DCC: variants seen among roughly 807,000 people sequenced by gnomAD.
DCC encodes netrin receptor DCC.
DCC carries 58 observed loss-of-function variants against 172.5 expected under a neutral mutation model. The observed-to-expected ratio is 0.34, with a 90% CI of 0.27 to 0.42. The LOEUF (loss-of-function observed/expected upper bound fraction) is 0.42. Among genes scored for constraint, DCC ranks in the 10% least tolerant of loss-of-function variants. The pLI is 1.00. For missense variants in DCC, 1,740 were observed against 1,791.0 expected (o/e 0.97, Z 0.51); for synonymous variants, 709 against 644.5 (o/e 1.10, Z -1.52).
intron 2 of DCC, among the ~76,000 whole-genome samples, chr18:52,877,848 T>C (rs533288105): frequency 6.6e-6 from 1 of 152,258 alleles, no homozygotes; most frequent in South Asian, 2.1e-4. Flanking sequence ...TCATATTTTA[T>C]CTACGTATGA....
chr18:52,344,978 G>A (rs995236207), intron 1 of DCC, among the ~76,000 whole-genome samples: 2 of 152,152 alleles, frequency 1.3e-5, no homozygotes, highest in African/African-American at 2.4e-5. Context: ...AAGGGCACTT[G>A]CAATTTCCCT....
At chr18:52,662,565 G>A (rs1271934883) in intron 1 of DCC, among the ~76,000 whole-genome samples, 2 of 106,458 alleles carry the variant, frequency 1.9e-5, no homozygotes, top group Non-Finnish European at 4.3e-5. Flanking sequence ...GAGGGAGGGA[G>A]GGAGGGAAGG....
intron 27 of DCC, among the ~76,000 whole-genome samples, chr18:53,517,984 A>G (rs1002451884): frequency 3.9e-5 from 6 of 152,142 alleles, no homozygotes; most frequent in African/African-American, 1.4e-4. Context: ...AAAGTTTCCC[A>G]TACATATCTT....
intron 5 of DCC, among the ~76,000 whole-genome samples, chr18:52,962,284 A>G (rs917183708): frequency 7.2e-5 from 11 of 152,036 alleles, no homozygotes; most frequent in Admixed American, 5.2e-4. Context: ...CCCATCAAAA[A>G]GTGGGCAAAG....
intron 1 of DCC, among the ~76,000 whole-genome samples, chr18:52,651,774 C>G (rs1259182335): frequency 1.3e-5 from 2 of 152,048 alleles, no homozygotes; most frequent in African/African-American, 4.8e-5. Flanking sequence ...GCATGAACTA[C>G]AGAGAGGAGT....
At chr18:52,523,290 T>C (rs1218862185) in intron 1 of DCC, among the ~76,000 whole-genome samples, 1 of 151,776 alleles carries the variant, frequency 6.6e-6, no homozygotes, top group Non-Finnish European at 1.5e-5. Context: ...ACCCTAGGAG[T>C]GGGCCAGGAT....
At chr18:53,332,240 C>G (rs538864494) in intron 14 of DCC, among the ~76,000 whole-genome samples, 58 of 152,148 alleles carry the variant, frequency 3.8e-4, no homozygotes, top group African/African-American at 1.3e-3. Context: ...TGTTAGACTT[C>G]TACATTCTTT....
chr18:53,082,652 G>A (rs976366958), intron 7 of DCC, among the ~76,000 whole-genome samples: 2 of 152,010 alleles, frequency 1.3e-5, no homozygotes, highest in African/African-American at 4.8e-5. Context: ...TGGGTATTTT[G>A]TTTTAAATCT....
rs1598866277 is a variant in DCC at position 52,850,897 on chromosome 18, A to G, written c.413-55147A>G. Reference sequence around the variant, plus strand: ...CCAGGTTCCGTCAGGTAAATTAATTACCACCACAACTGGGTTTAATTTGTC... The same window carrying G: ...CCAGGTTCCGTCAGGTAAATTAATTGCCACCACAACTGGGTTTAATTTGTC... On this transcript the variant is annotated intron_variant, in intron 2 of 28. Coordinates refer to ENST00000442544, the MANE Select transcript of DCC (RefSeq NM_005215.4). 4.6e-5 allele frequency among the ~76,000 whole-genome samples: 7 copies of G among 152,212 alleles called. 1 individual carries two copies. The highest frequency in any genetic ancestry group is 4.6e-4 in the Admixed American group (7 of 15,280).
chr18:53,318,615 G>T (rs969816393), intron 13 of DCC, among the ~76,000 whole-genome samples: 1 of 152,030 alleles, frequency 6.6e-6, no homozygotes, highest in Non-Finnish European at 1.5e-5. Flanking sequence ...AGTGGGAGTC[G>T]AAGTCTCTTT....
chr18:52,614,276 T>C (rs1320844766), intron 1 of DCC, among the ~76,000 whole-genome samples: 1 of 152,228 alleles, frequency 6.6e-6, no homozygotes, highest in African/African-American at 2.4e-5. Context: ...TAGGTCTCTT[T>C]GAAGGTGACC....
intron 9 of DCC, among the ~76,000 whole-genome samples, chr18:53,180,958 C>T (rs1410935190): frequency 1.3e-5 from 2 of 152,086 alleles, no homozygotes; most frequent in Admixed American, 6.5e-5. Context: ...CTTCATAGAT[C>T]ATCTATGTAA....
At chr18:53,293,740 T>G (rs1241464254) in intron 12 of DCC, among the ~76,000 whole-genome samples, 1 of 152,200 alleles carries the variant, frequency 6.6e-6, no homozygotes, top group Non-Finnish European at 1.5e-5. Flanking sequence ...TGAATTAACC[T>G]CATCACTAGA....
intron 1 of DCC, among the ~76,000 whole-genome samples, chr18:52,575,579 CTATT>C (rs1371731967): frequency 6.6e-6 from 1 of 152,042 alleles, no homozygotes; most frequent in African/African-American, 2.4e-5. Context: ...CATTCTTTGA[CTATT>C]TGAGTTAGTT....
chr18:53,526,628 C>T lies in DCC; in HGVS notation c.4123C>T (p.Pro1375Ser), dbSNP rs2046458753. The change falls in exon 28 of 29, where the codon CCT becomes TCT. Residue 1375 changes from proline to serine, a missense_variant. By Grantham distance (74) the Pro-to-Ser change is moderately conservative. This residue lies in a region of DCC where 1,732 missense variants were observed against 1,767.4 expected (regional missense o/e 0.98). Coordinates refer to ENST00000442544, the MANE Select transcript of DCC (RefSeq NM_005215.4). ...PLLSQPGPTLPKTHVKTASLG... is the reference protein window; with the variant it reads ...PLLSQPGPTLSKTHVKTASLG... ...GTTTTCTATTTCAGGGCCCACTCTT[C>T]CTAAGACCCATGTGAAAACAGCCTC... is the stretch of plus-strand genomic sequence containing the variant. 1 of 1,613,386 alleles carries T rather than the reference C, an allele frequency of 6.2e-7. No individual in the cohort carries two copies.
intron 1 of DCC, among the ~76,000 whole-genome samples, chr18:52,404,437 C>A (rs1986557454): frequency 2.0e-5 from 3 of 149,640 alleles, no homozygotes; most frequent in Admixed American, 2.0e-4. Flanking sequence ...TGTGTGCCTT[C>A]CTCCTGCTGC....
At chr18:53,296,943 A>G (rs1023771349) in intron 12 of DCC, among the ~76,000 whole-genome samples, 10 of 152,202 alleles carry the variant, frequency 6.6e-5, no homozygotes, top group African/African-American at 2.2e-4. Context: ...TCTTTTTTAA[A>G]AAAGGCTTTT....
At chr18:52,985,116 C>T (rs190165846) in intron 5 of DCC, among the ~76,000 whole-genome samples, 47 of 152,154 alleles carry the variant, frequency 3.1e-4, no homozygotes, top group African/African-American at 1.0e-3. Context: ...GGCTCTACCA[C>T]GTAACTGTCA....
At chr18:53,264,860 C>G (rs182950950) in intron 12 of DCC, among the ~76,000 whole-genome samples, 2 of 152,070 alleles carry the variant, frequency 1.3e-5, no homozygotes, top group Admixed American at 1.3e-4. Context: ...ATCCTGAAAA[C>G]AAATGTAGCT....
Sources: allele counts gnomAD v4.1 joint callset (sites outside exome capture counted in the v4.1 genomes callset), GRCh38; gene constraint gnomAD v4.1.1; regional missense constraint gnomAD v4.1.1; transcripts MANE v1.5; gene names NCBI Gene and HGNC (gene_info 2026-07-23, HGNC 2026-07-21).